Variants in ASB3 observed in about 807,000 individuals in gnomAD.
The protein encoded by ASB3 is ankyrin repeat and SOCS box protein 3.
Under a neutral mutation model 54.5 loss-of-function variants are expected in ASB3, and 41 were observed. The observed-to-expected ratio is 0.75, with a 90% CI of 0.59 to 0.98. The LOEUF (loss-of-function observed/expected upper bound fraction) is 0.98, where lower values mean the gene tolerates loss of function less well. Ranked by LOEUF, ASB3 falls within the 50% of genes least tolerant of loss-of-function variation. The pLI is 0.00. For missense variants in ASB3, 733 were observed against 620.0 expected, an observed-to-expected ratio of 1.18 and a Z score of -1.94; for synonymous variants, 266 against 221.2, an observed-to-expected ratio of 1.20 and a Z score of -1.80.
intron 2 of ASB3, 129 bp from the exon 3 acceptor site, chr2:53,751,070 C>A: frequency 8.8e-7 from 1 of 1,130,396 alleles, no homozygotes; most frequent in South Asian, 3.5e-5. Context: ...CAGGTTTCAC[C>A]ATTTAAAACT....
chr2:53,765,404 C>G lies in ASB3; in HGVS notation c.169G>C (p.Glu57Gln), dbSNP rs1221691668. ...GCATTAATTAACATTTGCAAACATTCTACAGAGTTGTGATAAGCTGCTTCA... is the reference window on the plus strand; with the variant it reads ...GCATTAATTAACATTTGCAAACATTGTACAGAGTTGTGATAAGCTGCTTCA... ...IHEAAYHNSVECLQMLINADS... is the reference protein window; with the variant it reads ...IHEAAYHNSVQCLQMLINADS... Residue 57 changes from glutamate (E) to glutamine (Q), a missense_variant, in exon 2 of 10, where the codon GAA becomes CAA. Glu to Gln is a conservative substitution (Grantham distance 29). Transcript: ENST00000263634. 1 of 1,614,224 alleles carries G rather than the reference C, an allele frequency of 6.2e-7. No individual in the cohort carries two copies. Among genetic ancestry groups the G allele is most frequent in the Non-Finnish European group, 8.5e-7 (1 of 1,180,030 alleles).
chr2:53,731,124 G>A (rs577999443), intron 3 of ASB3, among the ~76,000 whole-genome samples: 15 of 152,132 alleles, frequency 9.9e-5, no homozygotes, highest in South Asian at 2.1e-4. Flanking sequence ...ATTCTCCACC[G>A]AGTGTGGTGG....
At chr2:53,731,382 G>A (rs1401787167) in intron 3 of ASB3, among the ~76,000 whole-genome samples, 1 of 151,892 alleles carries the variant, frequency 6.6e-6, no homozygotes, top group African/African-American at 2.4e-5. Context: ...ACTCCAGCCT[G>A]GGCGACAGAG....
chr2:53,745,728 A>G (rs1487361932), intron 3 of ASB3, among the ~76,000 whole-genome samples: 1 of 152,218 alleles, frequency 6.6e-6, no homozygotes, highest in Non-Finnish European at 1.5e-5. Flanking sequence ...ATAACATGTA[A>G]TAGAGTATAG....
rs1318104723 is a variant in ASB3, at chr2:53,717,894, T to C, written c.605-1151A>G. 2.0e-5 allele frequency among the ~76,000 whole-genome samples: 3 copies of C among 152,096 alleles called. No individual in the cohort carries two copies. In the South Asian group the frequency reaches 6.2e-4, roughly 31 times the overall value. ...AAAACTCACTTAAGGAATTTCAAAA[T>C]ATAACTGCAAGTTTTATTAATAGAC... On this transcript the variant is annotated intron_variant, in intron 5 of 9. Coordinates refer to ENST00000263634, the MANE Select transcript of ASB3 (RefSeq NM_016115.5).
chr2:53,675,298 T>C (rs1668028132), intron 9 of ASB3, among the ~76,000 whole-genome samples: 1 of 152,214 alleles, frequency 6.6e-6, no homozygotes. Flanking sequence ...ATTTTACATA[T>C]AAATTACATG....
At chr2:53,699,663 G>A (rs1282131051) in intron 8 of ASB3, among the ~76,000 whole-genome samples, 3 of 151,898 alleles carry the variant, frequency 2.0e-5, no homozygotes, top group African/African-American at 4.8e-5. Flanking sequence ...GAGTCCTCTC[G>A]CTACTACAAT....
intron 6 of ASB3, among the ~76,000 whole-genome samples, chr2:53,715,165 A>G (rs1670315690): frequency 6.6e-6 from 1 of 152,190 alleles, no homozygotes. Context: ...TTTATAAAGA[A>G]GCTGGCTCCT....
Position 53,693,256 on chromosome 2 carries a change from G to T in ASB3, c.1369+628C>A, listed in dbSNP as rs111647839. Among the ~76,000 whole-genome samples, 851 of 152,228 alleles carry T rather than the reference G, an allele frequency of 5.6e-3. 3 individuals are homozygous for T. The highest frequency in any genetic ancestry group is 8.9e-3 in the Admixed American group (136 of 15,282). ...TATGTTCAGTTTAAACTTGTTCCCTGTGCAAAATCTTCCCCCACTGTGTTT... is the reference window on the plus strand; with the variant it reads ...TATGTTCAGTTTAAACTTGTTCCCTTTGCAAAATCTTCCCCCACTGTGTTT... On this transcript the variant is annotated intron_variant, in intron 9 of 9. Transcript: ENST00000263634.
At position 53,687,877 on chromosome 2, in the gene ASB3, A is replaced by G. The variant is rs1668712743; in HGVS notation, c.1369+6007T>C. 3.3e-5 allele frequency among the ~76,000 whole-genome samples: 5 copies of G among 152,160 alleles called. No individual in the cohort carries two copies. In the South Asian group the frequency reaches 1.0e-3, roughly 31 times the overall value. On this transcript the variant is annotated intron_variant, in intron 9 of 9. Transcript: ENST00000263634. ...GTCATCCAGGCTGGAGTACAATGGC[A>G]TGAACACGGCTCACTGCAGCCTTGA...
At chr2:53,772,255 A>G (rs1673982001) in intron 1 of ASB3, among the ~76,000 whole-genome samples, 1 of 152,078 alleles carries the variant, frequency 6.6e-6, no homozygotes, top group Non-Finnish European at 1.5e-5. Context: ...GCTCACTGCA[A>G]GCTCCGCCTC....
chr2:53,786,660 C>G (rs895417610), intron 1 of ASB3, 161 bp downstream of exon 1: 5 of 153,048 alleles, frequency 3.3e-5, no homozygotes, highest in African/African-American at 1.2e-4. Context: ...TTTCTCACAT[C>G]TCATCGCTAC....
At chr2:53,706,583 C>T (rs1442036169) in intron 7 of ASB3, among the ~76,000 whole-genome samples, 1 of 151,984 alleles carries the variant, frequency 6.6e-6, no homozygotes, top group Non-Finnish European at 1.5e-5. Context: ...GTAGTTGGGA[C>T]TATAGGCACG....
At chr2:53,682,089 G>A (rs1423624600) in intron 9 of ASB3, among the ~76,000 whole-genome samples, 2 of 151,584 alleles carry the variant, frequency 1.3e-5, no homozygotes, top group Non-Finnish European at 2.9e-5. Flanking sequence ...GAATCCGGGA[G>A]GCAGAGGTTG....
intron 2 of ASB3, among the ~76,000 whole-genome samples, chr2:53,759,057 A>G (rs1285720138): frequency 6.6e-6 from 1 of 152,184 alleles, no homozygotes; most frequent in Non-Finnish European, 1.5e-5. Context: ...GCTAACCACA[A>G]AAGAGAGAAG....
Position 53,670,047 on chromosome 2 carries a change from TA to T in ASB3, c.*455del, listed in dbSNP as rs1667739771. The T allele has an allele frequency of 6.8e-6, 1 of 147,916 alleles. No individual in the cohort carries two copies. Among genetic ancestry groups the T allele is most frequent in the Admixed American group, 6.8e-5 (1 of 14,806 alleles). The allele number at this position is 147,916 out of a possible 1,614,324, so 9.2% of individuals were successfully genotyped here. A position where few individuals can be genotyped will look rare whatever the true frequency, so the allele number is the denominator to read the frequency against. On this transcript the variant is annotated 3_prime_UTR_variant, in exon 10 of 10. Coordinates refer to ENST00000263634, the MANE Select transcript of ASB3 (RefSeq NM_016115.5). ...CTAAATAAAATAATAATGATAATAA[TA>T]ACAGATTCTACACCACAGTTGTATA...
chr2:53,763,294 G>A (rs1002515952), intron 2 of ASB3, among the ~76,000 whole-genome samples: 1 of 152,188 alleles, frequency 6.6e-6, no homozygotes, highest in Non-Finnish European at 1.5e-5. Context: ...GGGAGGTGGA[G>A]GTGGTGGTGA....
chr2:53,681,382 C>T (rs1668363401), intron 9 of ASB3, among the ~76,000 whole-genome samples: 1 of 152,168 alleles, frequency 6.6e-6, no homozygotes, highest in Non-Finnish European at 1.5e-5. Flanking sequence ...TTGATGTGAT[C>T]CCCTATGTCC....
chr2:53,670,605 A>G lies in ASB3; in HGVS notation c.1455T>C (p.Ile485=). The change falls in exon 10 of 10, where the codon ATT becomes ATC. Residue 485 remains isoleucine, a synonymous_variant. Coordinates refer to ENST00000263634, the MANE Select transcript of ASB3 (RefSeq NM_016115.5). ...GGCTTCTGGGAAGTGGCAGCTGACT[A>G]ATATAACTGTCAGACCGTAGACGTT... The part of the protein sequence containing the change: ...KSERLRSDSY[I]SQLPLPRSLH... The G allele has an allele frequency of 1.2e-6, 2 of 1,614,054 alleles. No homozygotes were observed. The highest frequency in any genetic ancestry group is 8.5e-7 in the Non-Finnish European group (1 of 1,179,984).
Sources: gnomAD v4.1 joint callset for allele counts (sites outside exome capture counted in the v4.1 genomes callset) on GRCh38, gnomAD v4.1.1 for gene constraint, MANE v1.5 for transcripts, NCBI Gene and HGNC (gene_info 2026-07-23, HGNC 2026-07-21) for gene names.